AKAP13: variants seen among roughly 807,000 people sequenced by gnomAD.
The protein encoded by AKAP13 is A-kinase anchor protein 13.
A neutral mutation model predicts 264.5 loss-of-function variants in AKAP13; 80 were observed. The ratio of observed to expected loss-of-function variants is 0.30; its 90% confidence interval spans 0.25 to 0.36. The LOEUF is 0.36. Ranked by LOEUF, AKAP13 falls within the 10% of genes least tolerant of loss-of-function variation. The probability of loss-of-function intolerance (pLI) is 1.00; values close to 1 mark genes in which losing one functional copy is unlikely to be tolerated. For missense variants in AKAP13, 3,712 were observed against 3,435.2 expected (o/e 1.08, Z -2.01); for synonymous variants, 1,380 against 1,250.2 (o/e 1.10, Z -2.19).
At chr15:85,677,328 A>T (rs572087530) in intron 14 of AKAP13, among the ~76,000 whole-genome samples, 52 of 152,354 alleles carry the variant, frequency 3.4e-4, no homozygotes, top group African/African-American at 1.2e-3. Context: ...ATTCCAGGGC[A>T]CAAGATAATC....
At chr15:85,738,844 C>CAAAA (rs71468137) in intron 33 of AKAP13, among the ~76,000 whole-genome samples, 5 of 72,394 alleles carry the variant, frequency 6.9e-5, no homozygotes, top group East Asian at 4.4e-4. Flanking sequence ...GACTCCGTCT[C>CAAAA]AAAAAAAAAA....
At chr15:85,459,946 C>T (rs1191532905) in intron 1 of AKAP13, among the ~76,000 whole-genome samples, 1 of 152,168 alleles carries the variant, frequency 6.6e-6, no homozygotes, top group Non-Finnish European at 1.5e-5. Flanking sequence ...TTGTTTTCTC[C>T]TCTTCATCCC....
At chr15:85,625,394 A>C (rs1567161975) in intron 8 of AKAP13, among the ~76,000 whole-genome samples, 1 of 152,204 alleles carries the variant, frequency 6.6e-6, no homozygotes, top group African/African-American at 2.4e-5. Flanking sequence ...TCTTTTGCCA[A>C]GCCTAGTCTC....
intron 35 of AKAP13, 149 bp downstream of exon 35, chr15:85,741,644 G>A (rs2088972097): frequency 7.8e-7 from 1 of 1,285,778 alleles, no homozygotes; most frequent in Non-Finnish European, 1.0e-6. Context: ...AGGAGGCTGA[G>A]GTGAGAGGGT....
intron 16 of AKAP13, among the ~76,000 whole-genome samples, chr15:85,686,157 GTGTGTGTGTA>G (rs1377418970): frequency 7.2e-6 from 1 of 139,738 alleles, no homozygotes. Context: ...GTGTGTGTGT[GTGTGTGTGTA>G]TGTGTGTGTG....
intron 1 of AKAP13, among the ~76,000 whole-genome samples, chr15:85,470,855 C>G (rs1365836310): frequency 6.6e-6 from 1 of 152,192 alleles, no homozygotes; most frequent in Non-Finnish European, 1.5e-5. Flanking sequence ...CAGGAACATT[C>G]AATTTTATGC....
chr15:85,647,022 A>G (rs1011149284), intron 10 of AKAP13, among the ~76,000 whole-genome samples: 1 of 152,214 alleles, frequency 6.6e-6, no homozygotes, highest in African/African-American at 2.4e-5. Context: ...TTCTAGTTTT[A>G]TAATGAGCTC....
At chr15:85,396,787 T>C (rs983258328) in intron 1 of AKAP13, among the ~76,000 whole-genome samples, 3 of 152,138 alleles carry the variant, frequency 2.0e-5, no homozygotes, top group Admixed American at 2.0e-4. Context: ...CTGCAAACCT[T>C]TTATTAAGCA....
chr15:85,517,303 A>G (rs2076639629), intron 2 of AKAP13, among the ~76,000 whole-genome samples: 1 of 151,856 alleles, frequency 6.6e-6, no homozygotes, highest in Non-Finnish European at 1.5e-5. Flanking sequence ...CCTGCACTGT[A>G]ATTTGACTCT....
chr15:85,391,624 AC>A (rs1033185859), intron 1 of AKAP13, among the ~76,000 whole-genome samples: 1 of 148,916 alleles, frequency 6.7e-6, no homozygotes, highest in Non-Finnish European at 1.5e-5. Context: ...AGCTGGGACC[AC>A]CGGTGTGCAC....
In AKAP13 at chr15:85,746,766, C is replaced by G. The variant is rs981047402; in HGVS notation, c.*2089C>G. On this transcript the variant is annotated 3_prime_UTR_variant, in exon 37 of 37. Transcript: ENST00000394518. Reference sequence around the variant, plus strand: ...GGGGCTTGGCTGTCTGTTCTGGGCACTGGCTCCGAGTTCCCCTCCTGGGAT... The same window carrying G: ...GGGGCTTGGCTGTCTGTTCTGGGCAGTGGCTCCGAGTTCCCCTCCTGGGAT... 6.6e-6 allele frequency: 1 copy of G among 152,256 alleles called. No individual in the cohort carries two copies. Among genetic ancestry groups the G allele is most frequent in the Non-Finnish European group, 1.5e-5 (1 of 68,056 alleles). 9.4% of individuals were successfully genotyped at this position (152,256 alleles called of 1,614,324 possible). A position where few individuals can be genotyped will look rare whatever the true frequency, so the allele number is the denominator to read the frequency against.
At chr15:85,491,518 A>ATATTATATAT (rs1222260751) in intron 2 of AKAP13, among the ~76,000 whole-genome samples, 30 of 146,698 alleles carry the variant, frequency 2.0e-4, no homozygotes, top group African/African-American at 6.7e-4. Flanking sequence ...TATATATTAT[A>ATATTATATAT]TATATTATAT....
chr15:85,499,658 C>T (rs2075986811), intron 2 of AKAP13, among the ~76,000 whole-genome samples: 1 of 152,000 alleles, frequency 6.6e-6, no homozygotes, highest in African/African-American at 2.4e-5. Context: ...CCCCCGAGCC[C>T]TGCCAATCCC....
At chr15:85,504,059 G>A (rs1274685991) in intron 2 of AKAP13, among the ~76,000 whole-genome samples, 1 of 152,136 alleles carries the variant, frequency 6.6e-6, no homozygotes, top group African/African-American at 2.4e-5. Context: ...GCTTCCCAGT[G>A]TGTGGAGGCC....
intron 10 of AKAP13, among the ~76,000 whole-genome samples, chr15:85,653,089 C>G (rs1009520859): frequency 1.3e-5 from 2 of 152,118 alleles, no homozygotes; most frequent in Admixed American, 6.5e-5. Flanking sequence ...AAAGTTGCCC[C>G]GTGAATAGGA....
intron 5 of AKAP13, among the ~76,000 whole-genome samples, chr15:85,547,915 C>T (rs2077814044): frequency 6.6e-6 from 1 of 152,114 alleles, no homozygotes; most frequent in Non-Finnish European, 1.5e-5. Context: ...ATTTGAAGAC[C>T]CCACCCATGG....
At chr15:85,736,167 G>A (rs756653241) in intron 33 of AKAP13, 33 bp downstream of exon 33, 10 of 1,504,072 alleles carry the variant, frequency 6.6e-6, no homozygotes, top group Non-Finnish European at 9.1e-6. Flanking sequence ...AAGAAAATAT[G>A]TGTTTGTTGT....
chr15:85,456,536 G>A (rs62022080), intron 1 of AKAP13, among the ~76,000 whole-genome samples: 13,423 of 147,010 alleles, frequency 0.091, 828 homozygotes, highest in Middle Eastern at 0.17. Flanking sequence ...TGTTCCCAGA[G>A]TAGCCCACTT....
chr15:85,619,705 T>G (rs924675335), intron 8 of AKAP13: 3 of 997,940 alleles, frequency 3.0e-6, no homozygotes, highest in Non-Finnish European at 3.6e-6. Flanking sequence ...TATCGGCCGT[T>G]ATGCTTAGCC....
Sources: allele counts gnomAD v4.1 joint callset (sites outside exome capture counted in the v4.1 genomes callset), GRCh38; gene constraint gnomAD v4.1.1; transcripts MANE v1.5; gene names NCBI Gene and HGNC (gene_info 2026-07-23, HGNC 2026-07-21).